GRID1: variants seen among roughly 807,000 people sequenced by gnomAD.
GRID1 encodes glutamate receptor ionotropic, delta-1.
Under a neutral mutation model 98.0 loss-of-function variants are expected in GRID1, and 28 were observed. That is an observed-to-expected ratio of 0.29 (90% CI 0.21 to 0.39). The LOEUF is 0.39. Ranked by LOEUF, GRID1 falls within the 10% of genes least tolerant of loss-of-function variation. The pLI, the probability that GRID1 is intolerant of heterozygous loss-of-function variation, is 1.00. For missense variants in GRID1, 1,111 were observed against 1,340.5 expected, an observed-to-expected ratio of 0.83 and a Z score of 2.67; for synonymous variants, 553 against 538.5, an observed-to-expected ratio of 1.03 and a Z score of -0.37.
intron 2 of GRID1, among the ~76,000 whole-genome samples, chr10:86,290,221 A>T (rs1902679): frequency 0.91 from 138,519 of 152,320 alleles, 63,661 homozygotes; most frequent in Middle Eastern, 0.95. Context: ...ATGAATAATT[A>T]TCCTAAAACA....
intron 4 of GRID1, among the ~76,000 whole-genome samples, chr10:86,072,432 A>G (rs1843817734): frequency 6.6e-6 from 1 of 152,158 alleles, no homozygotes; most frequent in Admixed American, 6.5e-5. Context: ...CTCAGACAAT[A>G]CAAGTTATTT....
rs780383598 is a variant in GRID1, at chr10:85,901,227, T to TTTATTTA, written c.780+14958_780+14959insTAAATAA. On this transcript the variant is annotated intron_variant, in intron 5 of 15. Coordinates refer to ENST00000327946, the MANE Select transcript of GRID1 (RefSeq NM_017551.3). ...TTATTTATTCATTTATTTTATTTTATTTTATTTATTTATTTATTTATTTAT... is the reference window on the plus strand; with the variant it reads ...TTATTTATTCATTTATTTTATTTTATTTATTTATTTATTTATTTATTTATTTATTTAT... Among the ~76,000 whole-genome samples the TTTATTTA allele has an allele frequency of 2.1e-3, 301 of 146,338 alleles. 3 individuals are homozygous for TTTATTTA. Among genetic ancestry groups the TTTATTTA allele is most frequent in the African/African-American group, 7.7e-3 (296 of 38,346 alleles).
chr10:86,213,811 A>C (rs2132024680), intron 2 of GRID1, among the ~76,000 whole-genome samples: 1 of 151,850 alleles, frequency 6.6e-6, no homozygotes, highest in Non-Finnish European at 1.5e-5. Flanking sequence ...ATGCATCAAC[A>C]CTGAACTGCC....
intron 8 of GRID1, among the ~76,000 whole-genome samples, chr10:85,750,032 G>T (rs1842031617): frequency 6.6e-6 from 1 of 152,148 alleles, no homozygotes; most frequent in South Asian, 2.1e-4. Context: ...ACAGAGTATT[G>T]TTTGACCTAT....
At chr10:85,867,932 T>C (rs1843237594) in intron 6 of GRID1, among the ~76,000 whole-genome samples, 1 of 152,244 alleles carries the variant, frequency 6.6e-6, no homozygotes, top group Admixed American at 6.5e-5. Context: ...AGTAGATTCA[T>C]TCCTTTGGCA....
At chr10:85,826,045 G>A (rs777889827) in intron 8 of GRID1, among the ~76,000 whole-genome samples, 7 of 152,174 alleles carry the variant, frequency 4.6e-5, no homozygotes, top group Non-Finnish European at 8.8e-5. Context: ...CCCGCAATCA[G>A]GCTAGGCGCG....
At chr10:85,926,196 A>G (rs77157292) in intron 4 of GRID1, among the ~76,000 whole-genome samples, 5,822 of 152,216 alleles carry the variant, frequency 0.038, 131 homozygotes, top group Middle Eastern at 0.054. Context: ...GGTGGCCAGT[A>G]CACTGGGGGA....
At chr10:86,108,841 G>T (rs1218569160) in intron 4 of GRID1, among the ~76,000 whole-genome samples, 2 of 152,190 alleles carry the variant, frequency 1.3e-5, no homozygotes, top group African/African-American at 4.8e-5. Context: ...GAGTCTGGCA[G>T]TTGTGTTTCG....
intron 4 of GRID1, among the ~76,000 whole-genome samples, chr10:86,002,751 C>A (rs1340097748): frequency 6.6e-6 from 1 of 152,166 alleles, no homozygotes; most frequent in Non-Finnish European, 1.5e-5. Context: ...TATACAGATA[C>A]AAAAGTGGCA....
intron 3 of GRID1, among the ~76,000 whole-genome samples, chr10:86,197,119 T>C (rs1845885303): frequency 6.6e-6 from 1 of 151,746 alleles, no homozygotes. Context: ...TGGGAATAAA[T>C]TCAATGGAAA....
intron 4 of GRID1, among the ~76,000 whole-genome samples, chr10:86,001,585 G>A (rs1391009125): frequency 1.3e-5 from 2 of 152,280 alleles, no homozygotes; most frequent in Admixed American, 6.5e-5. Flanking sequence ...ATTTCCTGAA[G>A]GAATTTGGCC....
chr10:86,258,873 T>C (rs1378474254), intron 2 of GRID1, among the ~76,000 whole-genome samples: 2 of 152,152 alleles, frequency 1.3e-5, no homozygotes, highest in Admixed American at 6.5e-5. Flanking sequence ...GGACACGATT[T>C]CCAAAGAAGA....
chr10:85,636,623 C>T (rs1199770856), intron 13 of GRID1, among the ~76,000 whole-genome samples: 4 of 151,950 alleles, frequency 2.6e-5, no homozygotes, highest in African/African-American at 9.7e-5. Context: ...ACACAAATAC[C>T]TATGTACAAA....
intron 15 of GRID1, chr10:85,606,106 C>G (rs1459563891): frequency 1.3e-5 from 2 of 152,184 alleles, no homozygotes; most frequent in African/African-American, 4.8e-5. Context: ...TAGTTCTCTG[C>G]CAGTCTATTA....
intron 8 of GRID1, among the ~76,000 whole-genome samples, chr10:85,754,509 G>C (rs576924155): frequency 2.0e-5 from 3 of 152,278 alleles, no homozygotes; most frequent in Middle Eastern, 3.4e-3. Flanking sequence ...CTAGGGAAAG[G>C]TATGACAAAG....
intron 4 of GRID1, among the ~76,000 whole-genome samples, chr10:85,983,859 G>A (rs1485234372): frequency 6.6e-6 from 1 of 152,084 alleles, no homozygotes; most frequent in African/African-American, 2.4e-5. Flanking sequence ...ATGAGCTTGG[G>A]GGTTGCTAAA....
At chr10:86,006,271 A>G (rs1842859340) in intron 4 of GRID1, among the ~76,000 whole-genome samples, 1 of 152,228 alleles carries the variant, frequency 6.6e-6, no homozygotes, top group South Asian at 2.1e-4. Flanking sequence ...AAAAAAGGTT[A>G]ATTTCAAAAC....
intron 4 of GRID1, among the ~76,000 whole-genome samples, chr10:86,099,342 G>C (rs935842202): frequency 6.6e-6 from 1 of 152,066 alleles, no homozygotes; most frequent in East Asian, 1.9e-4. Flanking sequence ...GATGCTGTTG[G>C]GGCCAAGCAT....
chr10:86,262,465 G>A (rs1847030572), intron 2 of GRID1, among the ~76,000 whole-genome samples: 1 of 152,154 alleles, frequency 6.6e-6, no homozygotes, highest in Admixed American at 6.5e-5. Context: ...AGGCCCAGCC[G>A]GACAGCAGCC....
Sources: gnomAD v4.1 joint callset for allele counts (sites outside exome capture counted in the v4.1 genomes callset) on GRCh38, gnomAD v4.1.1 for gene constraint, MANE v1.5 for transcripts, NCBI Gene and HGNC (gene_info 2026-07-23, HGNC 2026-07-21) for gene names.